Variants in ULK4 observed in about 807,000 individuals in gnomAD.
The protein encoded by ULK4 is inactive serine/threonine-protein kinase ULK4.
Under a neutral mutation model 160.6 loss-of-function variants are expected in ULK4, and 133 were observed. That is an observed-to-expected ratio of 0.83 (90% CI 0.72 to 0.96). The LOEUF (loss-of-function observed/expected upper bound fraction) is 0.96, where lower values mean the gene tolerates loss of function less well. Ranked by LOEUF, ULK4 falls within the 40% of genes least tolerant of loss-of-function variation. The pLI is 0.00. For missense variants in ULK4, 1,580 were observed against 1,499.5 expected, an observed-to-expected ratio of 1.05 and a Z score of -0.89; for synonymous variants, 534 against 539.8, an observed-to-expected ratio of 0.99 and a Z score of 0.15.
At chr3:41,431,571 AAG>A (rs1359593374) in intron 34 of ULK4, among the ~76,000 whole-genome samples, 1 of 36,690 alleles carries the variant, frequency 2.7e-5, no homozygotes, top group Admixed American at 2.1e-4. Flanking sequence ...TTGATGTGGA[AAG>A]AGAGGCTTAC....
intron 21 of ULK4, among the ~76,000 whole-genome samples, chr3:41,765,613 A>G (rs1186490203): frequency 6.6e-6 from 1 of 152,152 alleles, no homozygotes; most frequent in African/African-American, 2.4e-5. Context: ...GAAAACAAAG[A>G]AAAGTATATT....
intron 25 of ULK4, among the ~76,000 whole-genome samples, chr3:41,709,699 A>G (rs1314907180): frequency 6.6e-5 from 10 of 152,202 alleles, no homozygotes; most frequent in African/African-American, 2.2e-4. Context: ...TAATTTTTAA[A>G]AGCAGCAATG....
At chr3:41,391,717 G>T (rs987170380) in intron 35 of ULK4, among the ~76,000 whole-genome samples, 1 of 151,970 alleles carries the variant, frequency 6.6e-6, no homozygotes, top group South Asian at 2.1e-4. Context: ...TGTGGAATGA[G>T]AAGGGCCGAT....
intron 21 of ULK4, among the ~76,000 whole-genome samples, chr3:41,776,260 T>C (rs780607157): frequency 6.0e-5 from 9 of 151,122 alleles, no homozygotes; most frequent in Non-Finnish European, 1.0e-4. Flanking sequence ...ATTCTTCACA[T>C]TCTATGCCCA....
intron 35 of ULK4, among the ~76,000 whole-genome samples, chr3:41,273,898 TCTATA>T (rs753452868): frequency 7.8e-4 from 119 of 152,218 alleles, no homozygotes; most frequent in Non-Finnish European, 1.1e-3. Flanking sequence ...TCCTTGACCT[TCTATA>T]CCATGTTGTG....
intron 32 of ULK4, among the ~76,000 whole-genome samples, chr3:41,560,300 G>A (rs2087512406): frequency 6.6e-6 from 1 of 152,144 alleles, no homozygotes; most frequent in African/African-American, 2.4e-5. Flanking sequence ...GTAATGTGAT[G>A]CCTCCAGCTT....
At chr3:41,329,912 A>G (rs916172897) in intron 35 of ULK4, among the ~76,000 whole-genome samples, 2 of 152,212 alleles carry the variant, frequency 1.3e-5, no homozygotes, top group Non-Finnish European at 2.9e-5. Flanking sequence ...ATACAAAAAC[A>G]TATGAGATTA....
intron 32 of ULK4, among the ~76,000 whole-genome samples, chr3:41,542,753 T>C (rs1193243075): frequency 1.3e-5 from 2 of 152,002 alleles, no homozygotes; most frequent in Non-Finnish European, 2.9e-5. Context: ...ACTTGGGAGG[T>C]TGTATGTTTC....
intron 35 of ULK4, among the ~76,000 whole-genome samples, chr3:41,296,832 G>C (rs2079678287): frequency 6.6e-6 from 1 of 152,092 alleles, no homozygotes; most frequent in Non-Finnish European, 1.5e-5. Context: ...GCCACTGAAG[G>C]GAGGTTGAGA....
intron 27 of ULK4, among the ~76,000 whole-genome samples, chr3:41,684,329 C>T (rs898834988): frequency 1.1e-4 from 16 of 152,218 alleles, no homozygotes; most frequent in African/African-American, 3.9e-4. Flanking sequence ...GTCTCAAGGT[C>T]TATGACCCCT....
chr3:41,765,085 C>T (rs2039114079), intron 21 of ULK4, among the ~76,000 whole-genome samples: 1 of 152,160 alleles, frequency 6.6e-6, no homozygotes, highest in Admixed American at 6.5e-5. Flanking sequence ...ATAAATCATG[C>T]TGCTATAAAA....
At chr3:41,955,321 C>G (rs1237587516) in intron 1 of ULK4, 1 of 152,658 alleles carries the variant, frequency 6.6e-6, no homozygotes, top group Non-Finnish European at 1.5e-5. Flanking sequence ...AACCAATATT[C>G]AAGTTCCCAT....
At chr3:41,505,395 T>A (rs185211498) in intron 32 of ULK4, among the ~76,000 whole-genome samples, 103 of 152,312 alleles carry the variant, frequency 6.8e-4, no homozygotes, top group African/African-American at 2.4e-3. Context: ...ATCCATACTG[T>A]ATTAACAGTG....
chr3:41,737,008 T>C (rs545714429), intron 22 of ULK4, among the ~76,000 whole-genome samples: 5 of 151,996 alleles, frequency 3.3e-5, no homozygotes, highest in South Asian at 4.2e-4. Context: ...GTTGTAGATA[T>C]GTGGCATTAT....
chr3:41,868,786 T>C (rs1696990253), intron 17 of ULK4, among the ~76,000 whole-genome samples: 1 of 151,896 alleles, frequency 6.6e-6, no homozygotes, highest in African/African-American at 2.4e-5. Context: ...TGTGAGCCAC[T>C]GGACCAGCTA....
intron 32 of ULK4, among the ~76,000 whole-genome samples, chr3:41,543,648 A>C (rs761376909): frequency 1.3e-5 from 2 of 152,164 alleles, no homozygotes; most frequent in Non-Finnish European, 2.9e-5. Context: ...CAGTTTTAAC[A>C]GTTTGTCTTT....
chr3:41,902,572 C>T (rs929761183), intron 12 of ULK4, among the ~76,000 whole-genome samples: 4 of 112,786 alleles, frequency 3.5e-5, no homozygotes, highest in Admixed American at 1.1e-4. Context: ...AGCGAGACTC[C>T]ACCAAAAAAA....
intron 35 of ULK4, among the ~76,000 whole-genome samples, chr3:41,284,096 C>A (rs914350599): frequency 2.0e-5 from 3 of 152,118 alleles, no homozygotes; most frequent in Non-Finnish European, 2.9e-5. Context: ...AATGGAAATA[C>A]ATCCCATGCT....
intron 35 of ULK4, among the ~76,000 whole-genome samples, chr3:41,329,804 T>G (rs2080407960): frequency 6.6e-6 from 1 of 152,220 alleles, no homozygotes; most frequent in African/African-American, 2.4e-5. Context: ...ATCTTAGAGA[T>G]TTTTAATCAT....
Sources: gnomAD v4.1 joint callset for allele counts (sites outside exome capture counted in the v4.1 genomes callset) on GRCh38, gnomAD v4.1.1 for gene constraint, MANE v1.5 for transcripts, NCBI Gene and HGNC (gene_info 2026-07-23, HGNC 2026-07-21) for gene names.